COL11A2: variants seen among roughly 807,000 people sequenced by gnomAD.
The protein encoded by COL11A2 is collagen type XI alpha 2 chain.
Under a neutral mutation model 273.4 loss-of-function variants are expected in COL11A2, and 116 were observed. The observed-to-expected ratio is 0.42, with a 90% CI of 0.36 to 0.49. The LOEUF (loss-of-function observed/expected upper bound fraction) is 0.49. Ranked by LOEUF, COL11A2 falls within the 20% of genes least tolerant of loss-of-function variation. COL11A2 has a pLI of 0.00. For synonymous variants in COL11A2, 782 were observed against 864.2 expected (o/e 0.90, Z 1.67); for missense variants, 1,866 against 2,309.0 (o/e 0.81, Z 3.93).
chr6:33,180,128 T>C lies in COL11A2; in HGVS notation c.1359+130A>G. 5.8e-6 allele frequency: 6 copies of C among 1,038,234 alleles called. No individual in the cohort carries two copies. The South Asian group carries it at 6.4e-5, about 11-fold the overall frequency. 64.3% of individuals were successfully genotyped at this position (1,038,234 alleles called of 1,614,324 possible). A position where few individuals can be genotyped will look rare whatever the true frequency, so the allele number is the denominator to read the frequency against. ...CTCCCCAACCCCAAAGACGAATCCC[T>C]TTGGAGTGATGATCTTTGATGATCT... On this transcript the variant is annotated intron_variant, in intron 12 of 65. Coordinates refer to ENST00000341947, the MANE Select transcript of COL11A2 (RefSeq NM_080680.3).
In COL11A2 at chr6:33,170,340, G is replaced by A. The variant is rs1480725418; in HGVS notation, c.3568C>T (p.Pro1190Ser). 5 of 1,613,734 alleles carry A rather than the reference G, an allele frequency of 3.1e-6. No homozygotes were observed. Among genetic ancestry groups the A allele is most frequent in the Non-Finnish European group, 4.2e-6 (5 of 1,179,942 alleles). The stretch of plus-strand genomic sequence containing the variant: ...AGATGACTCACATCAGCGCCATTGG[G>A]TCCAGCTGGACCTCGAGGTCCTGGG... Reference protein sequence around the residue: ...GPPGPRGPAGPNGADGPQGPP... With the variant: ...GPPGPRGPAGSNGADGPQGPP... Residue 1190 changes from proline (P) to serine (S), a missense_variant, in exon 48 of 66, where the codon CCC becomes TCC. Transcript: ENST00000341947. The surrounding 1 kb of genome is among the most constrained non-coding windows in gnomAD (Gnocchi z 4.3).
chr6:33,184,002 T>C (rs1772043289), intron 8 of COL11A2, 143 bp downstream of exon 8: 1 of 651,156 alleles, frequency 1.5e-6, no homozygotes. Context: ...TCAAGCAACA[T>C]ATACATCATA....
Position 33,177,280 on chromosome 6 carries a change from C to G in COL11A2, c.1972-55G>C. 6.2e-7 allele frequency: 1 copy of G among 1,609,538 alleles called. No homozygotes were observed. The highest frequency in any genetic ancestry group is 1.1e-5 in the South Asian group (1 of 90,996). On this transcript the variant is annotated intron_variant, in intron 23 of 65. Coordinates refer to ENST00000341947, the MANE Select transcript of COL11A2 (RefSeq NM_080680.3). The surrounding 1 kb of genome is among the most constrained non-coding windows in gnomAD (Gnocchi z 5.9). ...GCCTCCCAGGGTCTCTTCTATCCAG[C>G]CTCCCGGATTCAAAGCATGAGCAAC...
At chr6:33,168,447 T>G in intron 54 of COL11A2, 72 bp downstream of exon 54, 1 of 1,526,178 alleles carries the variant, frequency 6.6e-7, no homozygotes, top group Non-Finnish European at 9.1e-7. Flanking sequence ...CCATCCCACC[T>G]GCCATTGCCC....
intron 29 of COL11A2, 37 bp downstream of exon 29, chr6:33,175,979 A>C: frequency 6.2e-7 from 1 of 1,611,248 alleles, no homozygotes. Context: ...GGCTCAGTAG[A>C]ACACGGAATT....
chr6:33,185,806 G>A, intron 5 of COL11A2, 28 bp from the exon 6 acceptor site: 1 of 851,566 alleles, frequency 1.2e-6, no homozygotes, highest in East Asian at 5.1e-5. Flanking sequence ...GCATAGACAG[G>A]AAGGGGATGG....
At chr6:33,174,376 G>A (rs1276504901) in intron 31 of COL11A2, 151 bp downstream of exon 31, 6 of 1,345,094 alleles carry the variant, frequency 4.5e-6, no homozygotes, top group Non-Finnish European at 6.2e-6. Context: ...CTGCTCTCTG[G>A]GCCTCTTTCG....
chr6:33,175,744 G>T, intron 29 of COL11A2, 63 bp from the exon 30 acceptor site: 1 of 1,487,210 alleles, frequency 6.7e-7, no homozygotes, highest in Non-Finnish European at 9.4e-7. Flanking sequence ...GCCCAGAGGA[G>T]AAATGGGCAA....
rs757165878 is a variant in COL11A2, at chr6:33,188,985, C to A, written c.436G>T (p.Asp146Tyr). 3 of 1,614,078 alleles carry A rather than the reference C, an allele frequency of 1.9e-6. No homozygotes were observed. The highest frequency in any genetic ancestry group is 2.5e-6 in the Non-Finnish European group (3 of 1,180,026). The change falls in exon 3 of 66, where the codon GAT (aspartate) becomes TAT (tyrosine). Residue 146 changes from aspartate to tyrosine, a missense_variant. Physicochemically the swap from Asp to Tyr is radical, Grantham distance 160 (BLOSUM62 -3). Transcript: ENST00000341947. ...AGGAGCAAACAAACTTACTTGCCAT[C>A]TGCTAGGCTGAGGCCTCGGAAGACT... ...QPVFRGLSLA[D>Y]GKWHRVAVAV...
chr6:33,171,308 G>C lies in COL11A2; in HGVS notation c.3275C>G (p.Pro1092Arg). 1.2e-6 allele frequency: 2 copies of C among 1,614,208 alleles called. No individual in the cohort carries two copies. The highest frequency in any genetic ancestry group is 1.7e-6 in the Non-Finnish European group (2 of 1,180,022). The change falls in exon 44 of 66, where the codon CCC becomes CGC. Residue 1092 changes from proline (P) to arginine (R), a missense_variant. By Grantham distance (103) the Pro-to-Arg change is moderately radical. Transcript: ENST00000341947. ...GTTCCCTTTGGTGCCCTTCTGTCCG[G>C]GGTCCCCCACCTCACCCTGGGAGGA... ...EDGDKGEVGD[P>R]GQKGTKGNKG...
At position 33,184,300 on chromosome 6, in the gene COL11A2, G is replaced by C. The variant is rs907194702; in HGVS notation, c.964C>G (p.Pro322Ala). 2 of 1,367,576 alleles carry C rather than the reference G, an allele frequency of 1.5e-6. No homozygotes were observed. Among genetic ancestry groups the C allele is most frequent in the Non-Finnish European group, 2.0e-6 (2 of 1,021,940 alleles). The allele number at this position is 1,367,576 out of a possible 1,614,324, so 84.7% of individuals were successfully genotyped here. A position where few individuals can be genotyped will look rare whatever the true frequency, so the allele number is the denominator to read the frequency against. The part of the protein sequence containing the change: ...EEEQTDLQVP[P>A]TADRFQAEEY... ...TCTGCCTGGAACCTGTCGGCTGTGG[G>C]GGGGACCTGGAGATCTGTCTGCTCC... The change falls in exon 8 of 66, where the codon CCC becomes GCC. Residue 322 changes from proline (P) to alanine (A), a missense_variant. Pro to Ala is a conservative substitution (Grantham distance 27, BLOSUM62 -1). Coordinates refer to ENST00000341947, the MANE Select transcript of COL11A2 (RefSeq NM_080680.3).
In COL11A2 at chr6:33,189,949, TG is replaced by T. The variant is rs1772920399; in HGVS notation, c.83-481del. Among the ~76,000 whole-genome samples the T allele has an allele frequency of 6.6e-6, 1 of 152,152 alleles. No individual in the cohort carries two copies. Among genetic ancestry groups the T allele is most frequent in the South Asian group, 2.1e-4 (1 of 4,834 alleles). On this transcript the variant is annotated intron_variant, in intron 1 of 65. Coordinates refer to ENST00000341947, the MANE Select transcript of COL11A2 (RefSeq NM_080680.3). The surrounding 1 kb of genome is among the most constrained non-coding windows in gnomAD (Gnocchi z 5.6). ...CTCTCTTTCCATATCTCTCACTCTC[TG>T]GGTCTCTGGCATCTGTCCCGTCTCC... is the stretch of plus-strand genomic sequence containing the variant.
Position 33,165,893 on chromosome 6 carries a change from GGGTAC to G in COL11A2, c.4482+33_4482+37del. ...GAAGTGTGGCAGCAGTGGAGCAGAG[GGGTAC>G]GGCCCTGGGAGCAGCCCTGACTCCT... On this transcript the variant is annotated intron_variant, in intron 62 of 65. Transcript: ENST00000341947. This position sits in a 1 kb window ranked among gnomAD's most constrained non-coding sequence, Gnocchi z 7.7. 6.2e-7 allele frequency: 1 copy of G among 1,613,778 alleles called. No individual in the cohort carries two copies. The highest frequency in any genetic ancestry group is 8.5e-7 in the Non-Finnish European group (1 of 1,179,994).
chr6:33,192,065 G>C, intron 1 of COL11A2, 94 bp downstream of exon 1: 1 of 1,186,404 alleles, frequency 8.4e-7, no homozygotes, highest in Admixed American at 2.0e-5. Context: ...GTTAGACTCA[G>C]AAGCTGCTGC....
Position 33,169,555 on chromosome 6 carries a change from C to T in COL11A2, c.3691-65G>A, listed in dbSNP as rs1769735158. 3.4e-6 allele frequency: 5 copies of T among 1,489,480 alleles called. No homozygotes were observed. Among genetic ancestry groups the T allele is most frequent in the Non-Finnish European group, 3.7e-6 (4 of 1,072,972 alleles). 92.3% of individuals were successfully genotyped at this position (1,489,480 alleles called of 1,614,324 possible). On this transcript the variant is annotated intron_variant, in intron 50 of 65. Transcript: ENST00000341947. This position sits in a 1 kb window ranked among gnomAD's most constrained non-coding sequence, Gnocchi z 5.5. Reference sequence around the variant, plus strand: ...TTGAAGATCAGGGATGCAGCCTCTGCTTCCGAGACACCTTCAGCCATCCCC... The same window carrying T: ...TTGAAGATCAGGGATGCAGCCTCTGTTTCCGAGACACCTTCAGCCATCCCC...
chr6:33,180,874 G>A lies in COL11A2; in HGVS notation c.1221+90C>T, dbSNP rs1221965763. The A allele has an allele frequency of 1.0e-5, 16 of 1,572,522 alleles. No individual in the cohort carries two copies. The South Asian group carries it at 1.3e-4, about 13-fold the overall frequency. On this transcript the variant is annotated intron_variant, in intron 10 of 65. Transcript: ENST00000341947. ...AGGGATGCTCCCGAGTTCTGAGGAG[G>A]AGGCCTGGGCATATGTGGGGAAGGC...
In COL11A2 at chr6:33,178,062, C is replaced by A. The variant is rs1771170881; in HGVS notation, c.1872+70G>T. On this transcript the variant is annotated intron_variant, in intron 21 of 65. Coordinates refer to ENST00000341947, the MANE Select transcript of COL11A2 (RefSeq NM_080680.3). This position sits in a 1 kb window ranked among gnomAD's most constrained non-coding sequence, Gnocchi z 4.6. ...CGAGAGAGGAGAGGGAGCAGGAAGG[C>A]AGCTAGAAAGGTGGAGAGTTGGAGA... The A allele has an allele frequency of 6.8e-7, 1 of 1,469,554 alleles. No individual in the cohort carries two copies. The highest frequency in any genetic ancestry group is 9.4e-7 in the Non-Finnish European group (1 of 1,065,918). 91.0% of individuals were successfully genotyped at this position (1,469,554 alleles called of 1,614,324 possible).
At position 33,173,015 on chromosome 6, in the gene COL11A2, T is replaced by C. The variant is rs1246489823; in HGVS notation, c.2790+45A>G. The C allele has an allele frequency of 3.1e-6, 5 of 1,593,126 alleles. No individual in the cohort carries two copies. The African/African-American group carries it at 6.7e-5, about 21-fold the overall frequency. ...ACCGAGAGAAGAGGGGCAGACAGAC[T>C]AATGCTAGGGTCAGGGGTCCATTCT... On this transcript the variant is annotated intron_variant, in intron 38 of 65. Coordinates refer to ENST00000341947, the MANE Select transcript of COL11A2 (RefSeq NM_080680.3). The surrounding 1 kb of genome is among the most constrained non-coding windows in gnomAD (Gnocchi z 6.3).
rs370889732 is a variant in COL11A2, at chr6:33,170,636, C to G, written c.3475-26G>C. On this transcript the variant is annotated intron_variant, in intron 46 of 65. Transcript: ENST00000341947. The surrounding 1 kb of genome is among the most constrained non-coding windows in gnomAD (Gnocchi z 4.3). ...CTGTGCAAGTATACAAAACATGGGC[C>G]CAGGTGACGACCCCACCCAAAGCAC... 10 of 1,612,532 alleles carry G rather than the reference C, an allele frequency of 6.2e-6. No homozygotes were observed. The highest frequency in any genetic ancestry group is 1.7e-4 in the Middle Eastern group (1 of 6,056).
Sources: allele counts gnomAD v4.1 joint callset (sites outside exome capture counted in the v4.1 genomes callset), GRCh38; gene constraint gnomAD v4.1.1; non-coding constraint Gnocchi (gnomAD v3.1); transcripts MANE v1.5; gene names NCBI Gene and HGNC (gene_info 2026-07-23, HGNC 2026-07-21).